FNDC3A: variants seen among roughly 807,000 people sequenced by gnomAD.
FNDC3A encodes fibronectin type III domain containing 3A, also known as fibronectin type-III domain-containing protein 3A.
A neutral mutation model predicts 148.9 loss-of-function variants in FNDC3A; 32 were observed. The observed-to-expected ratio is 0.21, with a 90% CI of 0.16 to 0.29. FNDC3A has a LOEUF of 0.29. FNDC3A is among the 10% of genes least tolerant of loss of function. FNDC3A has a pLI of 1.00. For synonymous variants in FNDC3A, 472 were observed against 473.6 expected, an observed-to-expected ratio of 1.00 and a Z score of 0.04; for missense variants, 1,191 against 1,452.8, an observed-to-expected ratio of 0.82 and a Z score of 2.93.
chr13:49,117,427 A>G (rs528183157), intron 4 of FNDC3A, among the ~76,000 whole-genome samples: 1 of 152,116 alleles, frequency 6.6e-6, no homozygotes, highest in Admixed American at 6.5e-5. Flanking sequence ...AATGTTATTC[A>G]TTTCTCCATT....
Position 49,015,031 on chromosome 13 carries a change from G to A in FNDC3A, c.99+8742G>A, listed in dbSNP as rs574936757. Among the ~76,000 whole-genome samples the A allele has an allele frequency of 5.9e-3, 892 of 152,128 alleles. 12 individuals are homozygous for A. Among genetic ancestry groups the A allele is most frequent in the African/African-American group, 0.02 (832 of 41,478 alleles). On this transcript the variant is annotated intron_variant, in intron 2 of 25. Transcript: ENST00000492622. ...GTAGTATAGTTTGAAGTCAGGTAGC[G>A]TGATGCCTCCAGCTTTGTTCTTTTG...
intron 2 of FNDC3A, among the ~76,000 whole-genome samples, chr13:49,016,158 G>A (rs1483590325): frequency 1.3e-5 from 2 of 152,200 alleles, no homozygotes; most frequent in Non-Finnish European, 2.9e-5. Context: ...CTGTTGATTG[G>A]AATAGTTTCA....
At chr13:49,013,654 A>G (rs895665620) in intron 2 of FNDC3A, among the ~76,000 whole-genome samples, 27 of 149,314 alleles carry the variant, frequency 1.8e-4, no homozygotes, top group Non-Finnish European at 2.2e-4. Flanking sequence ...ATGTGTATAC[A>G]TGTATACATG....
At position 49,130,136 on chromosome 13, in the gene FNDC3A, G is replaced by A. The variant is rs576159819; in HGVS notation, c.253-1001G>A. ...TTTAATTTTTTAGGGTTTCCTGTGT[G>A]TCTTTGCAGCTCTAGTAAGGTTCAA... On this transcript the variant is annotated intron_variant, in intron 4 of 25. Coordinates refer to ENST00000492622, the MANE Select transcript of FNDC3A (RefSeq NM_001079673.2). 2.5e-3 allele frequency among the ~76,000 whole-genome samples: 387 copies of A among 151,862 alleles called. 4 individuals are homozygous for A. The highest frequency in any genetic ancestry group is 3.8e-3 in the Non-Finnish European group (255 of 67,936).
chr13:49,045,790 CTTTTTTT>C (rs11316518), intron 2 of FNDC3A: 47 of 162,346 alleles, frequency 2.9e-4, no homozygotes, highest in South Asian at 9.1e-4. Flanking sequence ...AATGACAGTC[CTTTTTTT>C]TTTTTTTTTT....
chr13:49,140,662 A>G (rs1039109032), intron 7 of FNDC3A, among the ~76,000 whole-genome samples: 1 of 152,176 alleles, frequency 6.6e-6, no homozygotes, highest in Non-Finnish European at 1.5e-5. Flanking sequence ...CATTCCATAA[A>G]TATTTTACCG....
At chr13:49,017,578 G>A (rs993078095) in intron 2 of FNDC3A, among the ~76,000 whole-genome samples, 3 of 152,054 alleles carry the variant, frequency 2.0e-5, no homozygotes, top group South Asian at 2.1e-4. Flanking sequence ...GTGTCTTTTA[G>A]TTGGAGCATT....
intron 3 of FNDC3A, among the ~76,000 whole-genome samples, chr13:49,097,756 T>G (rs1879623341): frequency 6.6e-6 from 1 of 152,070 alleles, no homozygotes; most frequent in African/African-American, 2.4e-5. Context: ...TTTCGAAACC[T>G]TATACATATG....
chr13:49,099,675 G>A (rs369110720), intron 3 of FNDC3A, among the ~76,000 whole-genome samples: 1 of 151,982 alleles, frequency 6.6e-6, no homozygotes, highest in Non-Finnish European at 1.5e-5. Flanking sequence ...CAAAAACAAG[G>A]TCTAAATTTG....
chr13:49,058,160 G>A (rs900775441), intron 2 of FNDC3A, among the ~76,000 whole-genome samples: 13 of 152,038 alleles, frequency 8.6e-5, no homozygotes, highest in African/African-American at 2.9e-4. Context: ...TCCAACAACC[G>A]AGCTCCCCGA....
intron 2 of FNDC3A, among the ~76,000 whole-genome samples, chr13:49,048,247 A>G (rs1875566840): frequency 6.6e-6 from 1 of 151,822 alleles, no homozygotes. Context: ...TTCTTTTTGC[A>G]TAGTCTTGCT....
chr13:49,201,565 C>T (rs1417765473), intron 23 of FNDC3A, among the ~76,000 whole-genome samples: 1 of 152,116 alleles, frequency 6.6e-6, no homozygotes, highest in Non-Finnish European at 1.5e-5. Flanking sequence ...AATTTAGTAA[C>T]AGACTTTTGG....
intron 2 of FNDC3A, among the ~76,000 whole-genome samples, chr13:49,018,330 T>G (rs887677593): frequency 2.0e-5 from 3 of 152,186 alleles, no homozygotes; most frequent in African/African-American, 7.2e-5. Context: ...TAAACTTCCC[T>G]TCTCGCTTCA....
chr13:49,034,165 G>A (rs1000485285), intron 2 of FNDC3A, among the ~76,000 whole-genome samples: 3 of 151,922 alleles, frequency 2.0e-5, no homozygotes, highest in Non-Finnish European at 4.4e-5. Flanking sequence ...GAATTTCAGA[G>A]TTTATGAATC....
intron 2 of FNDC3A, among the ~76,000 whole-genome samples, chr13:49,030,245 C>T (rs140384847): frequency 1.5e-4 from 23 of 152,278 alleles, no homozygotes; most frequent in Non-Finnish European, 2.2e-4. Flanking sequence ...GTTCAACATA[C>T]ATAGAACAAT....
intron 2 of FNDC3A, among the ~76,000 whole-genome samples, chr13:49,009,345 T>C (rs1304445295): frequency 6.6e-6 from 1 of 152,200 alleles, no homozygotes; most frequent in Non-Finnish European, 1.5e-5. Context: ...ATGGACCAGT[T>C]TGTTTATTCA....
rs1247261640 is a variant in FNDC3A at position 49,167,261 on chromosome 13, T to C, written c.995T>C (p.Ile332Thr). Reference protein sequence around the residue: ...KSVYVGEETNITLNDLKPAMD... With the variant: ...KSVYVGEETNTTLNDLKPAMD... ...TTCCCCAGAGGAGAAGAAACAAATA[T>C]CACTTTAAATGATCTCAAGCCAGCC... The change falls in exon 9 of 26, where the codon ATC becomes ACC. Residue 332 changes from isoleucine (I) to threonine (T), a missense_variant. Coordinates refer to ENST00000492622, the MANE Select transcript of FNDC3A (RefSeq NM_001079673.2). 3.1e-6 allele frequency: 5 copies of C among 1,602,412 alleles called. No individual in the cohort carries two copies. The highest frequency in any genetic ancestry group is 1.1e-5 in the South Asian group (1 of 88,488).
intron 2 of FNDC3A, among the ~76,000 whole-genome samples, chr13:49,043,064 T>C (rs1875070921): frequency 6.6e-6 from 1 of 151,496 alleles, no homozygotes; most frequent in Non-Finnish European, 1.5e-5. Context: ...CAAAGAATCC[T>C]CCCACCTCAG....
intron 2 of FNDC3A, among the ~76,000 whole-genome samples, chr13:49,031,854 TGGA>T (rs1874144117): frequency 6.6e-6 from 1 of 152,116 alleles, no homozygotes; most frequent in Non-Finnish European, 1.5e-5. Flanking sequence ...TCCACAAAAT[TGGA>T]GGAAAAAATC....
Sources: allele counts gnomAD v4.1 joint callset (sites outside exome capture counted in the v4.1 genomes callset), GRCh38; gene constraint gnomAD v4.1.1; transcripts MANE v1.5; gene names NCBI Gene and HGNC (gene_info 2026-07-23, HGNC 2026-07-21).